The following IGFL2 variants were observed in gnomAD, a reference collection of about 807,000 sequenced individuals.
IGFL2 encodes insulin growth factor-like family member 2.
In IGFL2, 7 loss-of-function variants were observed where a neutral mutation model predicts 13.9. That is an observed-to-expected ratio of 0.51 (90% CI 0.29 to 0.95). The LOEUF (loss-of-function observed/expected upper bound fraction) is 0.95, where lower values mean the gene tolerates loss of function less well. IGFL2 is among the 40% of genes least tolerant of loss of function. IGFL2 has a pLI of 0.08. For synonymous variants in IGFL2, 55 were observed against 55.8 expected (o/e 0.99, Z 0.07); for missense variants, 138 against 147.8 (o/e 0.93, Z 0.34).
At chr19:46,130,829 T>A in the IGFL2 span, among the ~76,000 whole-genome samples, 1 of 152,326 alleles carries the variant, frequency 6.6e-6, no homozygotes, top group African/African-American at 2.4e-5. Context: ...TCTTTTTATA[T>A]GGGAGATACT....
the IGFL2 span, among the ~76,000 whole-genome samples, chr19:46,177,155 G>A: frequency 1.6e-4 from 25 of 152,196 alleles, no homozygotes; most frequent in East Asian, 5.8e-4. Context: ...ACAGCTACTC[G>A]GGAGGCTGGG....
chr19:46,148,205 G>T (rs944940689), upstream of IGFL2: 1 of 1,377,416 alleles, frequency 7.3e-7, no homozygotes, highest in African/African-American at 1.4e-5. Context: ...TAAGTTCATA[G>T]CCTACATAAG....
At chr19:46,166,962 G>C in the IGFL2 span, among the ~76,000 whole-genome samples, 1 of 152,066 alleles carries the variant, frequency 6.6e-6, no homozygotes, top group Non-Finnish European at 1.5e-5. Flanking sequence ...TTATTACAGG[G>C]TCCTGGAATG....
At chr19:46,136,877 C>G in the IGFL2 span, 7 of 763,778 alleles carry the variant, frequency 9.2e-6, no homozygotes, top group Admixed American at 1.0e-4. Flanking sequence ...AAAGACTACT[C>G]TGTGTATTGG....
At chr19:46,128,646 T>C in the IGFL2 span, among the ~76,000 whole-genome samples, 2 of 152,240 alleles carry the variant, frequency 1.3e-5, no homozygotes, top group African/African-American at 2.4e-5. Flanking sequence ...ATGAATCACA[T>C]TTATTGATTT....
chr19:46,134,673 T>G, the IGFL2 span, among the ~76,000 whole-genome samples: 1 of 152,198 alleles, frequency 6.6e-6, no homozygotes, highest in East Asian at 1.9e-4. Context: ...CATGCTCTTA[T>G]GAGAATCTAA....
the IGFL2 span, among the ~76,000 whole-genome samples, chr19:46,109,043 C>T: frequency 2.6e-5 from 4 of 152,218 alleles, no homozygotes; most frequent in Non-Finnish European, 5.9e-5. Flanking sequence ...GGGGACTGGT[C>T]TCCCGAAGGA....
chr19:46,204,469 A>G, the IGFL2 span, among the ~76,000 whole-genome samples: 2 of 152,248 alleles, frequency 1.3e-5, no homozygotes, highest in South Asian at 4.1e-4. Flanking sequence ...GTTTACTGTT[A>G]TTTCCCAGGA....
At chr19:46,185,453 G>A in the IGFL2 span, among the ~76,000 whole-genome samples, 1 of 152,170 alleles carries the variant, frequency 6.6e-6, no homozygotes, top group Non-Finnish European at 1.5e-5. Flanking sequence ...TGCTCCCTTA[G>A]AAAATCCAGA....
At chr19:46,180,243 A>G in the IGFL2 span, among the ~76,000 whole-genome samples, 7 of 149,142 alleles carry the variant, frequency 4.7e-5, no homozygotes, top group Non-Finnish European at 5.9e-5. Flanking sequence ...CAGTGGCACG[A>G]TCTCAGCTCA....
the IGFL2 span, among the ~76,000 whole-genome samples, chr19:46,188,512 G>A: frequency 1.3e-5 from 2 of 152,170 alleles, no homozygotes; most frequent in African/African-American, 4.8e-5. Context: ...AAGCAGCACA[G>A]CCTTGATAAT....
the IGFL2 span, among the ~76,000 whole-genome samples, chr19:46,086,571 A>G: frequency 6.6e-6 from 1 of 152,144 alleles, no homozygotes; most frequent in Non-Finnish European, 1.5e-5. Context: ...TGATCTGCCT[A>G]CTTCGGCCTC....
At chr19:46,124,738 T>A in the IGFL2 span, 2 of 1,150,276 alleles carry the variant, frequency 1.7e-6, no homozygotes, top group Non-Finnish European at 2.6e-6. Context: ...TCTGTTAACC[T>A]GGTAAGTTTA....
At chr19:46,150,867 G>C (rs771246655) in intron 1 of IGFL2, among the ~76,000 whole-genome samples, 1 of 152,102 alleles carries the variant, frequency 6.6e-6, no homozygotes, top group Non-Finnish European at 1.5e-5. Context: ...ATGTCTCACT[G>C]TGTTGCCCAG....
chr19:46,120,305 C>T, the IGFL2 span: 21 of 1,610,540 alleles, frequency 1.3e-5, 1 homozygote, highest in East Asian at 9.0e-5. Context: ...CCTTGTCTGC[C>T]GTCTGCCAGT....
intron 1 of IGFL2, among the ~76,000 whole-genome samples, chr19:46,156,032 G>T (rs1025198357): frequency 6.6e-6 from 1 of 152,068 alleles, no homozygotes; most frequent in Non-Finnish European, 1.5e-5. Context: ...GCCCAGGCTG[G>T]TCTTGAACTC....
the IGFL2 span, among the ~76,000 whole-genome samples, chr19:46,080,472 G>A: frequency 6.6e-6 from 1 of 152,180 alleles, no homozygotes; most frequent in Non-Finnish European, 1.5e-5. Context: ...TGTGAGTCAT[G>A]GCTTGTTCAT....
At chr19:46,182,228 TTGG>T in the IGFL2 span, among the ~76,000 whole-genome samples, 53 of 151,932 alleles carry the variant, frequency 3.5e-4, no homozygotes, top group East Asian at 8.7e-3. Flanking sequence ...TTAGCCGGGC[TTGG>T]TGGTGCATGC....
chr19:46,141,761 C>T (rs1014620579), upstream of IGFL2, among the ~76,000 whole-genome samples: 2 of 152,134 alleles, frequency 1.3e-5, no homozygotes, highest in African/African-American at 4.8e-5. Context: ...GAGAATTAAG[C>T]ACTCACTCTA....
Sources: allele counts gnomAD v4.1 joint callset (sites outside exome capture counted in the v4.1 genomes callset), GRCh38; gene constraint gnomAD v4.1.1; transcripts MANE v1.5; gene names NCBI Gene and HGNC (gene_info 2026-07-23, HGNC 2026-07-21).